The following NHSL1 variants were observed in gnomAD, a reference collection of about 807,000 sequenced individuals.
NHSL1 encodes the protein NHS-like protein 1.
A neutral mutation model predicts 95.0 loss-of-function variants in NHSL1; 48 were observed. That is an observed-to-expected ratio of 0.51 (90% confidence interval 0.40 to 0.64). NHSL1 has a LOEUF of 0.64. Ranked by LOEUF, NHSL1 falls within the 30% of genes least tolerant of loss-of-function variation. The pLI, the probability that NHSL1 is intolerant of heterozygous loss-of-function variation, is 0.00. For missense variants in NHSL1, 1,971 were observed against 2,077.7 expected, an observed-to-expected ratio of 0.95 and a Z score of 1.00; for synonymous variants, 783 against 833.9, an observed-to-expected ratio of 0.94 and a Z score of 1.05.
chr6:138,627,077 A>C (rs1784750131), intron 1 of NHSL1, among the ~76,000 whole-genome samples: 2 of 152,206 alleles, frequency 1.3e-5, no homozygotes, highest in South Asian at 4.1e-4. Context: ...TAAGGGAAAT[A>C]ATAGGATTAA....
intron 1 of NHSL1, among the ~76,000 whole-genome samples, chr6:138,586,671 C>T (rs1272205411): frequency 6.6e-6 from 1 of 152,160 alleles, no homozygotes; most frequent in African/African-American, 2.4e-5. Flanking sequence ...TCAATAGTCT[C>T]ATCAAATGTT....
intron 2 of NHSL1, among the ~76,000 whole-genome samples, chr6:138,480,800 ATCTTTTT>A (rs1342321121): frequency 6.6e-6 from 1 of 152,194 alleles, no homozygotes; most frequent in African/African-American, 2.4e-5. Context: ...AGTCTAAAAA[ATCTTTTT>A]TCGGATGACT....
intron 1 of NHSL1, chr6:138,512,458 A>C (rs1781275976): frequency 3.0e-6 from 1 of 329,836 alleles, no homozygotes; most frequent in Non-Finnish European, 5.9e-6. Flanking sequence ...TCGTTAATAC[A>C]ATTCTAACTG....
At chr6:138,614,262 C>T (rs2114607498) in intron 1 of NHSL1, among the ~76,000 whole-genome samples, 1 of 152,270 alleles carries the variant, frequency 6.6e-6, no homozygotes, top group South Asian at 2.1e-4. Flanking sequence ...CTTCTTCCTG[C>T]TGGGATGTAA....
At chr6:138,657,288 A>T (rs567833223) in intron 1 of NHSL1, among the ~76,000 whole-genome samples, 1 of 152,338 alleles carries the variant, frequency 6.6e-6, no homozygotes, top group South Asian at 2.1e-4. Flanking sequence ...TCAGCCCTAA[A>T]GCCAATGCTT....
chr6:138,658,765 T>C (rs1785188625), intron 1 of NHSL1, among the ~76,000 whole-genome samples: 1 of 152,150 alleles, frequency 6.6e-6, no homozygotes, highest in Admixed American at 6.5e-5. Flanking sequence ...TAATTTTAAA[T>C]TGAGATTAAA....
At chr6:138,441,903 A>G (rs958421564) in intron 5 of NHSL1, 80 bp downstream of exon 5, 19 of 1,313,390 alleles carry the variant, frequency 1.4e-5, no homozygotes, top group Non-Finnish European at 1.8e-5. Flanking sequence ...TATCGATTTT[A>G]TAAGCACCAT....
rs541704411 is a variant in NHSL1 at position 138,426,453 on chromosome 6, A to C, written c.4086-1637T>G. On this transcript the variant is annotated intron_variant, in intron 7 of 7. Transcript: ENST00000343505. ...GTTCTGTCACCTTGGACAAGTTAAC[A>C]TTTCTGACTGTGTATTTTTCCTATC... Among the ~76,000 whole-genome samples, 13 of 152,330 alleles carry C rather than the reference A, an allele frequency of 8.5e-5. No individual in the cohort carries two copies. The East Asian group carries it at 2.5e-3, about 29-fold the overall frequency.
At chr6:138,498,222 T>C (rs1475339668) in intron 1 of NHSL1, among the ~76,000 whole-genome samples, 2 of 152,226 alleles carry the variant, frequency 1.3e-5, no homozygotes, top group African/African-American at 4.8e-5. Flanking sequence ...TTAGAAACTA[T>C]TGAAAATGGA....
intron 1 of NHSL1, among the ~76,000 whole-genome samples, chr6:138,610,075 C>T (rs1583447605): frequency 6.6e-6 from 1 of 152,266 alleles, no homozygotes; most frequent in South Asian, 2.1e-4. Context: ...TCAACTTCCA[C>T]AAGAAAGAGG....
At chr6:138,465,446 G>C (rs13191089) in intron 3 of NHSL1, among the ~76,000 whole-genome samples, 8,431 of 152,162 alleles carry the variant, frequency 0.055, 648 homozygotes, top group East Asian at 0.29. Context: ...CCTCAGTGCC[G>C]TTTTGCCTGT....
At chr6:138,491,985 T>C (rs1212554338) in intron 2 of NHSL1, among the ~76,000 whole-genome samples, 1 of 152,182 alleles carries the variant, frequency 6.6e-6, no homozygotes, top group Middle Eastern at 3.2e-3. Flanking sequence ...GTATCTTCAT[T>C]AGCAGTGAAT....
At chr6:138,437,359 C>T (rs1449583276) in intron 5 of NHSL1, among the ~76,000 whole-genome samples, 1 of 20,970 alleles carries the variant, frequency 4.8e-5, no homozygotes, top group Non-Finnish European at 1.0e-4. Context: ...TATATATACA[C>T]ATATATATAT....
At chr6:138,632,732 C>A (rs1784835608) in intron 1 of NHSL1, among the ~76,000 whole-genome samples, 1 of 152,058 alleles carries the variant, frequency 6.6e-6, no homozygotes, top group Non-Finnish European at 1.5e-5. Context: ...AAAGCCTTCC[C>A]AAGAAGCATT....
chr6:138,577,170 T>A (rs1783984409), upstream of NHSL1, among the ~76,000 whole-genome samples: 1 of 152,246 alleles, frequency 6.6e-6, no homozygotes, highest in Admixed American at 6.5e-5. Context: ...AAGGAGTTTA[T>A]CATAAATGAA....
At chr6:138,554,950 C>T (rs911825178) in intron 1 of NHSL1, among the ~76,000 whole-genome samples, 5 of 152,296 alleles carry the variant, frequency 3.3e-5, no homozygotes, top group Middle Eastern at 3.4e-3. Context: ...GGATTTACAA[C>T]AATAATGGTT....
At position 138,522,063 on chromosome 6, in the gene NHSL1, C is replaced by T. The variant is rs180897272; in HGVS notation, c.16+23560G>A. Among the ~76,000 whole-genome samples the T allele has an allele frequency of 4.0e-3, 604 of 152,252 alleles. 3 individuals carry two copies. The highest frequency in any genetic ancestry group is 0.015 in the South Asian group (73 of 4,832). ...GGCAAAGTCAGAAAAGTGAGCATTGCGTCTGGCCACGTGGAAACCGTGAAC... is the reference window on the plus strand; with the variant it reads ...GGCAAAGTCAGAAAAGTGAGCATTGTGTCTGGCCACGTGGAAACCGTGAAC... On this transcript the variant is annotated intron_variant, in intron 1 of 4. Transcript: ENST00000342260.
intron 1 of NHSL1, among the ~76,000 whole-genome samples, chr6:138,636,027 G>A (rs2114671553): frequency 6.6e-6 from 1 of 150,502 alleles, no homozygotes; most frequent in Non-Finnish European, 1.5e-5. Context: ...GGAGGCTGAG[G>A]CAGAACAATC....
chr6:138,620,668 C>G (rs916716485), intron 1 of NHSL1, among the ~76,000 whole-genome samples: 1 of 146,900 alleles, frequency 6.8e-6, no homozygotes. Flanking sequence ...TGAAAAACAT[C>G]TAACTTTAGA....
Sources: allele counts gnomAD v4.1 joint callset (sites outside exome capture counted in the v4.1 genomes callset), GRCh38; gene constraint gnomAD v4.1.1; transcripts MANE v1.5; gene names NCBI Gene and HGNC (gene_info 2026-07-23, HGNC 2026-07-21).